The following TACC1 variants were observed in gnomAD, a reference collection of about 807,000 sequenced individuals.
TACC1 encodes transforming acidic coiled-coil-containing protein 1.
Under a neutral mutation model 84.4 loss-of-function variants are expected in TACC1, and 48 were observed. The ratio of observed to expected loss-of-function variants is 0.57; its 90% CI spans 0.45 to 0.72. The LOEUF is 0.72. Among genes scored for constraint, TACC1 ranks in the 30% least tolerant of loss-of-function variants. The pLI is 0.00. For missense variants in TACC1, 920 were observed against 973.0 expected, an observed-to-expected ratio of 0.95 and a Z score of 0.72; for synonymous variants, 372 against 376.3, an observed-to-expected ratio of 0.99 and a Z score of 0.13.
chr8:38,838,340 A>G, intron 7 of TACC1, 130 bp from the exon 8 acceptor site: 1 of 619,770 alleles, frequency 1.6e-6, no homozygotes, highest in African/African-American at 1.9e-5. Context: ...ACAAACATTT[A>G]ATATTGAAGT....
chr8:38,810,564 G>A (rs139307678), intron 2 of TACC1, among the ~76,000 whole-genome samples: 1,745 of 152,046 alleles, frequency 0.011, 41 homozygotes, highest in Admixed American at 0.056. Flanking sequence ...CGAGTGCTCC[G>A]TTGTACTCTA....
At chr8:38,762,126 T>C (rs1447840371) in intron 3 of TACC1, among the ~76,000 whole-genome samples, 2 of 152,192 alleles carry the variant, frequency 1.3e-5, no homozygotes, top group African/African-American at 2.4e-5. Context: ...AGATACTCTA[T>C]CAAGAGTGCA....
intron 3 of TACC1, among the ~76,000 whole-genome samples, chr8:38,761,890 G>A (rs1391997666): frequency 1.3e-5 from 2 of 152,174 alleles, no homozygotes; most frequent in East Asian, 1.9e-4. Context: ...CTTGGAGAAG[G>A]GACCCAAGAC....
chr8:38,782,421 T>G (rs984947005), upstream of TACC1, among the ~76,000 whole-genome samples: 2 of 152,206 alleles, frequency 1.3e-5, no homozygotes, highest in Non-Finnish European at 2.9e-5. Flanking sequence ...AGTCTATCAT[T>G]GTTGGACATT....
intron 1 of TACC1, among the ~76,000 whole-genome samples, chr8:38,736,530 C>T (rs770749897): frequency 7.9e-5 from 12 of 152,276 alleles, no homozygotes; most frequent in Non-Finnish European, 1.3e-4. Flanking sequence ...GTAGGAGGAT[C>T]GCTTGAGCTC....
At chr8:38,836,433 C>A in intron 7 of TACC1, 146 bp downstream of exon 7, 2 of 1,095,768 alleles carry the variant, frequency 1.8e-6, no homozygotes, top group Non-Finnish European at 2.6e-6. Context: ...GTAAAAGGGC[C>A]CCCTGTGGCA....
intron 3 of TACC1, among the ~76,000 whole-genome samples, chr8:38,766,274 C>G (rs1812230717): frequency 6.6e-6 from 1 of 152,186 alleles, no homozygotes; most frequent in African/African-American, 2.4e-5. Flanking sequence ...TACAATTGTA[C>G]AATAGTACAG....
chr8:38,820,461 C>T lies in TACC1; in HGVS notation c.1217C>T (p.Ser406Phe), dbSNP rs878977437. 2.5e-6 allele frequency: 4 copies of T among 1,614,176 alleles called. No homozygotes were observed. Among genetic ancestry groups the T allele is most frequent in the Non-Finnish European group, 3.4e-6 (4 of 1,180,030 alleles). Residue 406 changes from serine to phenylalanine, a missense_variant, in exon 3 of 13, where the codon TCC becomes TTC. Around this residue, in one of 2 missense-constraint regions of TACC1, gnomAD observed 762 missense variants for 747.3 expected, o/e 1.02. Transcript: ENST00000317827. ...GGGAGCCACTCTGTTCTGCAGAACT[C>T]CCCACCCCTCTCTTCTGAGGGCTCC... Reference protein sequence around the residue: ...PFGSHSVLQNSPPLSSEGSYH... With the variant: ...PFGSHSVLQNFPPLSSEGSYH...
At chr8:38,841,174 GAC>G (rs1297762971) in intron 9 of TACC1, among the ~76,000 whole-genome samples, 1 of 152,176 alleles carries the variant, frequency 6.6e-6, no homozygotes, top group Non-Finnish European at 1.5e-5. Context: ...CCTGTTTAAA[GAC>G]ACCTTATTTA....
intron 3 of TACC1, among the ~76,000 whole-genome samples, chr8:38,768,926 CTATG>C (rs1587457634): frequency 7.7e-6 from 1 of 129,040 alleles, no homozygotes; most frequent in African/African-American, 3.0e-5. Context: ...GTGTGTGTGA[CTATG>C]TGTGTGGGGT....
intron 2 of TACC1, among the ~76,000 whole-genome samples, chr8:38,804,465 A>G (rs1168385366): frequency 6.6e-6 from 1 of 151,964 alleles, no homozygotes; most frequent in African/African-American, 2.4e-5. Context: ...ATGCCTGGCT[A>G]ATTTTTTGTA....
chr8:38,798,011 C>T (rs1820391089), intron 2 of TACC1, among the ~76,000 whole-genome samples: 1 of 152,232 alleles, frequency 6.6e-6, no homozygotes, highest in African/African-American at 2.4e-5. Flanking sequence ...ATTGGCTTCT[C>T]TGGAGGAGGC....
Position 38,842,427 on chromosome 8 carries a change from G to A in TACC1, c.2101G>A (p.Val701Ile), listed in dbSNP as rs746250230. 1 of 1,612,108 alleles carries A rather than the reference G, an allele frequency of 6.2e-7. No individual in the cohort carries two copies. Among genetic ancestry groups the A allele is most frequent in the South Asian group, 1.1e-5 (1 of 90,606 alleles). Residue 701 changes from valine (V) to isoleucine (I), a missense_variant, in exon 10 of 13, where the codon GTT becomes ATT. This residue lies in a region of TACC1 where 158 missense variants were observed against 225.6 expected (regional missense o/e 0.70). Transcript: ENST00000317827. The part of the protein sequence containing the change: ...LFRRYENLKG[V>I]LEGFKKNEEA... Reference sequence around the variant, plus strand: ...CAGGAGATATGAGAACCTGAAAGGTGTTCTGGAAGGGTTCAAGAAGGTAGA... The same window carrying A: ...CAGGAGATATGAGAACCTGAAAGGTATTCTGGAAGGGTTCAAGAAGGTAGA...
chr8:38,792,164 A>C (rs998516072), intron 2 of TACC1, among the ~76,000 whole-genome samples: 8 of 152,212 alleles, frequency 5.3e-5, no homozygotes, highest in African/African-American at 1.9e-4. Flanking sequence ...TGTATTTGCT[A>C]TCTGTCTGTT....
intron 3 of TACC1, among the ~76,000 whole-genome samples, chr8:38,822,792 C>G (rs1172330534): frequency 2.0e-5 from 3 of 152,094 alleles, no homozygotes; most frequent in East Asian, 3.8e-4. Context: ...TACCCATTAC[C>G]TAGGCCTACT....
intron 3 of TACC1, among the ~76,000 whole-genome samples, chr8:38,759,884 C>G (rs1213450860): frequency 6.6e-6 from 1 of 152,206 alleles, no homozygotes; most frequent in African/African-American, 2.4e-5. Flanking sequence ...AGCGACAAGT[C>G]TCTCCAGGAT....
chr8:38,810,658 C>G (rs1482218216), intron 2 of TACC1, among the ~76,000 whole-genome samples: 1 of 151,846 alleles, frequency 6.6e-6, no homozygotes, highest in African/African-American at 2.4e-5. Flanking sequence ...TATGTTAAAG[C>G]TCAAAGATGA....
chr8:38,818,185 A>G (rs1825865830), intron 2 of TACC1, among the ~76,000 whole-genome samples: 1 of 149,238 alleles, frequency 6.7e-6, no homozygotes, highest in Non-Finnish European at 1.5e-5. Flanking sequence ...GCAGTGAGCC[A>G]TGATCAGGCC....
At chr8:38,812,510 A>G (rs548190180) in intron 2 of TACC1, among the ~76,000 whole-genome samples, 19 of 152,318 alleles carry the variant, frequency 1.2e-4, no homozygotes, top group Admixed American at 3.3e-4. Flanking sequence ...GATTCCCCCA[A>G]TACTTCCTAT....
Sources: gnomAD v4.1 joint callset for allele counts (sites outside exome capture counted in the v4.1 genomes callset) on GRCh38, gnomAD v4.1.1 for gene constraint, gnomAD v4.1.1 regional missense constraint, MANE v1.5 for transcripts, NCBI Gene and HGNC (gene_info 2026-07-23, HGNC 2026-07-21) for gene names.